SLC26A9: variants seen among roughly 807,000 people sequenced by gnomAD.
The protein encoded by SLC26A9 is anion transporter/exchanger protein 9.
In SLC26A9, 46 loss-of-function variants were observed where a neutral mutation model predicts 87.1. The ratio of observed to expected loss-of-function variants is 0.53; its 90% CI spans 0.42 to 0.67. The LOEUF is 0.67. SLC26A9 is among the 30% of genes least tolerant of loss of function. SLC26A9 has a pLI of 0.00. For missense variants in SLC26A9, 927 were observed against 1,018.3 expected, an observed-to-expected ratio of 0.91 and a Z score of 1.22; for synonymous variants, 437 against 409.1, an observed-to-expected ratio of 1.07 and a Z score of -0.82.
chr1:205,924,580 A>G, intron 12 of SLC26A9, 91 bp from the exon 13 acceptor site: 1 of 1,054,218 alleles, frequency 9.5e-7, no homozygotes, highest in Non-Finnish European at 1.4e-6. Flanking sequence ...ATTCTCTGTT[A>G]GTACAACCTC....
chr1:205,926,288 C>T (rs1257716681), intron 12 of SLC26A9, among the ~76,000 whole-genome samples: 1 of 152,100 alleles, frequency 6.6e-6, no homozygotes, highest in Non-Finnish European at 1.5e-5. Context: ...AACCATTTGC[C>T]CAGTTAAGAC....
At position 205,915,366 on chromosome 1, in the gene SLC26A9, G is replaced by A. The variant is rs148915382; in HGVS notation, c.2367C>T (p.Thr789=). The A allele has an allele frequency of 1.4e-4, 224 of 1,614,124 alleles. No homozygotes were observed. The East Asian group carries it at 3.7e-3, about 26-fold the overall frequency. Reference sequence around the variant, plus strand: ...AGGACTGGCTGAGCCCTCACAGGGCGGTCAGGGTCTCTGCGTGAAACATGC... The same window carrying A: ...AGGACTGGCTGAGCCCTCACAGGGCAGTCAGGGTCTCTGCGTGAAACATGC... ...FGSMFHAETL[T]AL Residue 789 remains threonine (T), a synonymous_variant, in exon 21 of 21, where the codon ACC becomes ACT. Transcript: ENST00000367135.
At position 205,914,939 on chromosome 1, in the gene SLC26A9, T is replaced by A. The variant is rs1658514549; in HGVS notation, c.*418A>T. The A allele has an allele frequency of 6.2e-7, 1 of 1,614,050 alleles. No homozygotes were observed. The highest frequency in any genetic ancestry group is 1.3e-5 in the African/African-American group (1 of 74,910). Reference sequence around the variant, plus strand: ...CCATCTGACACCGAGCCGTGTGGGCTCTGGGACACTTTTTGAAGCTTGTAC... The same window carrying A: ...CCATCTGACACCGAGCCGTGTGGGCACTGGGACACTTTTTGAAGCTTGTAC... On this transcript the variant is annotated 3_prime_UTR_variant, in exon 21 of 21. Transcript: ENST00000367135.
Position 205,929,279 on chromosome 1 carries a change from G to A in SLC26A9, c.795C>T (p.Phe265=). 6.2e-7 allele frequency: 1 copy of A among 1,614,230 alleles called. No homozygotes were observed. The highest frequency in any genetic ancestry group is 1.1e-5 in the South Asian group (1 of 91,082). The change falls in exon 7 of 21, where the codon TTC becomes TTT. Residue 265 remains phenylalanine, a synonymous_variant. Coordinates refer to ENST00000367135, the MANE Select transcript of SLC26A9 (RefSeq NM_052934.4). ...SLIFALISGA[F]LVLVKELNAR... is the part of the protein sequence containing the mutation. ...CATTGAGCTCCTTCACCAGCACCAG[G>A]AAGGCACCGCTGATGAGAGCGAAGA...
At chr1:205,941,308 A>T (rs1001992076) in intron 1 of SLC26A9, among the ~76,000 whole-genome samples, 1 of 151,972 alleles carries the variant, frequency 6.6e-6, no homozygotes, top group Non-Finnish European at 1.5e-5. Flanking sequence ...AGCTGGGATT[A>T]CTGGTGCGCG....
chr1:205,927,693 G>A, intron 9 of SLC26A9, 88 bp from the exon 10 acceptor site: 12 of 1,411,658 alleles, frequency 8.5e-6, no homozygotes, highest in Non-Finnish European at 1.2e-5. Flanking sequence ...TGGACTGTGG[G>A]CCTAAGACCT....
chr1:205,933,892 C>T (rs535434078), intron 2 of SLC26A9, among the ~76,000 whole-genome samples: 2 of 152,288 alleles, frequency 1.3e-5, no homozygotes, highest in South Asian at 4.1e-4. Context: ...TTCATAGAAA[C>T]TCAGGAGCGG....
chr1:205,932,426 A>G (rs1367238409), intron 4 of SLC26A9, among the ~76,000 whole-genome samples: 2 of 152,174 alleles, frequency 1.3e-5, no homozygotes, highest in Admixed American at 6.5e-5. Flanking sequence ...CTGTTTAAGC[A>G]TGTTATAGCA....
rs777160066 is a variant in SLC26A9 at position 205,915,164 on chromosome 1, C to G, written c.*193G>C. On this transcript the variant is annotated 3_prime_UTR_variant, in exon 21 of 21. Transcript: ENST00000367135. ...TCACTCCTGTAAGGGTAGCACCCCC[C>G]TGCTGCTGAGAGGCTCTCTCTGGAG... The G allele has an allele frequency of 6.2e-6, 10 of 1,612,686 alleles. No homozygotes were observed. The highest frequency in any genetic ancestry group is 2.2e-5 in the South Asian group (2 of 90,966).
intron 1 of SLC26A9, 120 bp from the exon 2 acceptor site, chr1:205,935,958 A>T: frequency 8.2e-7 from 1 of 1,217,350 alleles, no homozygotes; most frequent in Non-Finnish European, 1.1e-6. Flanking sequence ...CGCCCCGATA[A>T]AGCAAGGTGC....
chr1:205,927,633 C>T, intron 9 of SLC26A9, 28 bp from the exon 10 acceptor site: 1 of 1,600,736 alleles, frequency 6.2e-7, no homozygotes, highest in Non-Finnish European at 8.5e-7. Flanking sequence ...GATTAGAAGC[C>T]AGTGTGGGGC....
intron 17 of SLC26A9, among the ~76,000 whole-genome samples, chr1:205,920,794 G>A (rs867302629): frequency 3.3e-5 from 5 of 152,312 alleles, no homozygotes; most frequent in African/African-American, 4.8e-5. Context: ...CACCACGCCC[G>A]GCTGATCTTT....
chr1:205,921,797 G>A lies in SLC26A9; in HGVS notation c.1824C>T (p.Thr608=), dbSNP rs572496201. 22 of 1,606,414 alleles carry A rather than the reference G, an allele frequency of 1.4e-5. No individual in the cohort carries two copies. The highest frequency in any genetic ancestry group is 1.2e-4 in the African/African-American group (9 of 74,876). ...CCGGGGTCTGGTTGTTGTTGGGGTC[G>A]GTGGGGGGCGCATTCTCAAAGTCCT... ...LQQDFENAPP[T]DPNNNQTPAN... The change falls in exon 17 of 21, where the codon ACC becomes ACT. Residue 608 remains threonine, a synonymous_variant. Coordinates refer to ENST00000367135, the MANE Select transcript of SLC26A9 (RefSeq NM_052934.4).
At chr1:205,916,499 G>T (rs2102568956) in intron 20 of SLC26A9, among the ~76,000 whole-genome samples, 1 of 152,320 alleles carries the variant, frequency 6.6e-6, no homozygotes, top group Admixed American at 6.5e-5. Context: ...AAAAGGCAGA[G>T]GCCTTTGTTT....
In SLC26A9 at chr1:205,923,328, G is replaced by A; in HGVS notation, c.1659+7C>T. The A allele has an allele frequency of 7.4e-6, 12 of 1,614,054 alleles. No individual in the cohort carries two copies. The highest frequency in any genetic ancestry group is 9.3e-6 in the Non-Finnish European group (11 of 1,179,942). ...AGAGCCTCTGGTCGCCAGGGACTGAGCCTTACCTTGGCGATGACCTTTTGC... is the reference window on the plus strand; with the variant it reads ...AGAGCCTCTGGTCGCCAGGGACTGAACCTTACCTTGGCGATGACCTTTTGC... On this transcript the variant is annotated splice_region_variant and intron_variant, in intron 15 of 20. Coordinates refer to ENST00000367135, the MANE Select transcript of SLC26A9 (RefSeq NM_052934.4).
In SLC26A9 at chr1:205,913,488, A is replaced by G. The variant is rs925115191; in HGVS notation, c.*1869T>C. ...TTACTTGGGGGTTAAGGATCACTTC[A>G]TCAAGTCCTCAGGGGATCTAGATAC... is the stretch of plus-strand genomic sequence containing the variant. On this transcript the variant is annotated 3_prime_UTR_variant, in exon 21 of 21. Transcript: ENST00000367135. 1.3e-5 allele frequency: 2 copies of G among 152,622 alleles called. No individual in the cohort carries two copies. The highest frequency in any genetic ancestry group is 1.3e-4 in the Admixed American group (2 of 15,264). 9.5% of individuals were successfully genotyped at this position (152,622 alleles called of 1,614,324 possible). A position where few individuals can be genotyped will look rare whatever the true frequency, so the allele number is the denominator to read the frequency against.
In SLC26A9 at chr1:205,920,136, T is replaced by C. The variant is rs756513419; in HGVS notation, c.2110+40A>G. On this transcript the variant is annotated intron_variant, in intron 18 of 20. Transcript: ENST00000367135. Reference sequence around the variant, plus strand: ...CCAACCTGTTCCTACCCCACACTCCTTGCCAGTCTTTCAGTCCCTAAATGT... The same window carrying C: ...CCAACCTGTTCCTACCCCACACTCCCTGCCAGTCTTTCAGTCCCTAAATGT... 10 of 1,612,194 alleles carry C rather than the reference T, an allele frequency of 6.2e-6. No homozygotes were observed. The South Asian group carries it at 1.1e-4, about 18-fold the overall frequency.
At position 205,929,282 on chromosome 1, in the gene SLC26A9, G is replaced by A. The variant is rs1659210638; in HGVS notation, c.792C>T (p.Ala264=). The A allele has an allele frequency of 6.2e-7, 1 of 1,614,118 alleles. No individual in the cohort carries two copies. Among genetic ancestry groups the A allele is most frequent in the Non-Finnish European group, 8.5e-7 (1 of 1,180,052 alleles). ...TGAGCTCCTTCACCAGCACCAGGAA[G>A]GCACCGCTGATGAGAGCGAAGATGA... is the stretch of plus-strand genomic sequence containing the variant. The part of the protein sequence containing the change: ...ASLIFALISG[A]FLVLVKELNA... The change falls in exon 7 of 21, where the codon GCC becomes GCT. Residue 264 remains alanine, a synonymous_variant. Transcript: ENST00000367135.
intron 13 of SLC26A9, 137 bp from the exon 14 acceptor site, chr1:205,923,750 T>C: frequency 1.1e-6 from 1 of 885,954 alleles, no homozygotes; most frequent in Non-Finnish European, 1.8e-6. Flanking sequence ...TGTGTCTGTC[T>C]TTTTGCACTG....
Sources: allele counts gnomAD v4.1 joint callset (sites outside exome capture counted in the v4.1 genomes callset), GRCh38; gene constraint gnomAD v4.1.1; transcripts MANE v1.5; gene names NCBI Gene and HGNC (gene_info 2026-07-23, HGNC 2026-07-21).